EMSY: variants seen among roughly 807,000 people sequenced by gnomAD.
EMSY encodes BRCA2-interacting transcriptional repressor EMSY.
A neutral mutation model predicts 134.6 loss-of-function variants in EMSY; 26 were observed. The ratio of observed to expected loss-of-function variants is 0.19; its 90% CI spans 0.14 to 0.27. The LOEUF is 0.27. Ranked by LOEUF, EMSY falls within the 10% of genes least tolerant of loss-of-function variation. EMSY has a pLI of 1.00. For synonymous variants in EMSY, 579 were observed against 577.8 expected, an observed-to-expected ratio of 1.00 and a Z score of -0.03; for missense variants, 1,305 against 1,611.4, an observed-to-expected ratio of 0.81 and a Z score of 3.26.
At chr11:76,542,941 A>C (rs531272474) in intron 18 of EMSY, among the ~76,000 whole-genome samples, 21 of 152,288 alleles carry the variant, frequency 1.4e-4, no homozygotes, top group African/African-American at 5.1e-4. Context: ...AAAAGGAAAA[A>C]TATGTTAATA....
chr11:76,499,489 G>A (rs569525707), intron 9 of EMSY, among the ~76,000 whole-genome samples: 32 of 150,878 alleles, frequency 2.1e-4, no homozygotes, highest in East Asian at 5.9e-4. Flanking sequence ...GGGTTTCACC[G>A]TGTTATCCAG....
chr11:76,509,591 T>C (rs1950201553), intron 9 of EMSY, among the ~76,000 whole-genome samples: 1 of 152,200 alleles, frequency 6.6e-6, no homozygotes, highest in African/African-American at 2.4e-5. Flanking sequence ...TATACCTGTA[T>C]CACTGTAGAA....
chr11:76,527,345 T>G (rs575930449), intron 13 of EMSY, among the ~76,000 whole-genome samples: 5 of 152,024 alleles, frequency 3.3e-5, no homozygotes, highest in Admixed American at 6.6e-5. Context: ...AAAAAAAAAA[T>G]AAGCTTTGTG....
intron 8 of EMSY, among the ~76,000 whole-genome samples, chr11:76,491,664 C>T (rs570615784): frequency 5.4e-4 from 83 of 152,326 alleles, no homozygotes; most frequent in African/African-American, 1.9e-3. Context: ...GCTTTGAGAT[C>T]CTGCGCTAGG....
rs191741003 is a variant in EMSY at position 76,523,424 on chromosome 11, C to T, written c.1821+133C>T. The T allele has an allele frequency of 2.3e-4, 232 of 1,005,626 alleles. 2 individuals carry two copies. The African/African-American group carries it at 3.5e-3, about 15-fold the overall frequency. 62.3% of individuals were successfully genotyped at this position (1,005,626 alleles called of 1,614,324 possible). A position where few individuals can be genotyped will look rare whatever the true frequency, so the allele number is the denominator to read the frequency against. On this transcript the variant is annotated intron_variant, in intron 12 of 20. Coordinates refer to ENST00000334736, the Ensembl canonical transcript of EMSY. ...TTGGTTTACCACTGCTGGGATATAA[C>T]AACTGTTAAAGCACCACCAACTGAT...
At chr11:76,462,435 A>G (rs1019593814) in intron 6 of EMSY, among the ~76,000 whole-genome samples, 3 of 152,234 alleles carry the variant, frequency 2.0e-5, no homozygotes, top group African/African-American at 7.2e-5. Context: ...TACTGGGGAA[A>G]CAAACCAATA....
At chr11:76,455,913 C>G (rs981744158) in intron 4 of EMSY, among the ~76,000 whole-genome samples, 3 of 152,100 alleles carry the variant, frequency 2.0e-5, no homozygotes, top group Non-Finnish European at 4.4e-5. Flanking sequence ...AATCCTTTCC[C>G]CATCACTCAG....
intron 7 of EMSY, among the ~76,000 whole-genome samples, chr11:76,467,381 C>T (rs1948393228): frequency 1.3e-5 from 2 of 152,198 alleles, no homozygotes; most frequent in Admixed American, 1.3e-4. Flanking sequence ...AAAGCTGTAG[C>T]TAAAAGCGTA....
intron 6 of EMSY, among the ~76,000 whole-genome samples, chr11:76,461,297 T>G (rs1948107435): frequency 2.0e-5 from 3 of 152,236 alleles, no homozygotes; most frequent in African/African-American, 7.2e-5. Context: ...GAGGTAAAGT[T>G]TGCTGTTTTA....
chr11:76,540,522 T>G (rs539189750), intron 17 of EMSY, among the ~76,000 whole-genome samples: 1 of 152,356 alleles, frequency 6.6e-6, no homozygotes, highest in Non-Finnish European at 1.5e-5. Context: ...CTGGTGATGC[T>G]GCCTATAATC....
At chr11:76,513,446 C>T (rs766636389) in exon 10 of EMSY, 2 of 1,613,720 alleles carry the variant, frequency 1.2e-6, no homozygotes, top group South Asian at 1.1e-5. Context: ...CCAGTGACAG[C>T]AACTCTACCC....
rs368523289 is a variant in EMSY, at chr11:76,488,896, A to G, written c.1109-7319A>G. ...TGTGACAATGTCAGAGAAAAAAGAG[A>G]GAATCCCCTTCTGTGGGTCTGTCTT... On this transcript the variant is annotated intron_variant, in intron 8 of 20. Coordinates refer to ENST00000334736, the Ensembl canonical transcript of EMSY. 2.6e-5 allele frequency among the ~76,000 whole-genome samples: 4 copies of G among 152,354 alleles called. No homozygotes were observed. The East Asian group carries it at 5.8e-4, about 22-fold the overall frequency.
chr11:76,549,507 A>G (rs1009862004), intron 20 of EMSY, among the ~76,000 whole-genome samples: 1 of 152,212 alleles, frequency 6.6e-6, no homozygotes, highest in Non-Finnish European at 1.5e-5. Context: ...CTACATTTAC[A>G]TTTACATTTG....
chr11:76,491,254 C>T (rs1949413388), intron 8 of EMSY, among the ~76,000 whole-genome samples: 1 of 150,130 alleles, frequency 6.7e-6, no homozygotes, highest in African/African-American at 2.5e-5. Context: ...GATCATGGCT[C>T]ACTGTAGTCT....
chr11:76,539,529 G>A (rs1951352147), intron 16 of EMSY, 70 bp from the exon 18 acceptor site: 1 of 1,481,296 alleles, frequency 6.8e-7, no homozygotes, highest in Non-Finnish European at 9.4e-7. Context: ...TAACCTCTGG[G>A]GGTAGACTAG....
intron 14 of EMSY, among the ~76,000 whole-genome samples, chr11:76,530,490 A>G (rs773578490): frequency 6.6e-6 from 1 of 152,128 alleles, no homozygotes; most frequent in Non-Finnish European, 1.5e-5. Context: ...TAAGAATGGG[A>G]CATAAGTTTG....
chr11:76,539,128 T>C (rs914711206), intron 16 of EMSY, among the ~76,000 whole-genome samples: 3 of 151,990 alleles, frequency 2.0e-5, no homozygotes, highest in African/African-American at 7.2e-5. Flanking sequence ...TTCTCTCCTA[T>C]TCTGATTAGA....
chr11:76,499,474 A>G (rs1436788781), intron 9 of EMSY, among the ~76,000 whole-genome samples: 1 of 151,186 alleles, frequency 6.6e-6, no homozygotes, highest in African/African-American at 2.4e-5. Flanking sequence ...TTTTTAGTAG[A>G]GACGGGGTTT....
chr11:76,479,768 T>A (rs1190014859), intron 8 of EMSY, among the ~76,000 whole-genome samples: 1 of 152,198 alleles, frequency 6.6e-6, no homozygotes, highest in Non-Finnish European at 1.5e-5. Context: ...GCTATTGAAA[T>A]TCTGTGCTGA....
Sources: allele counts gnomAD v4.1 joint callset (sites outside exome capture counted in the v4.1 genomes callset), GRCh38; gene constraint gnomAD v4.1.1; transcripts MANE v1.5; gene names NCBI Gene and HGNC (gene_info 2026-07-23, HGNC 2026-07-21).